Variants in ST8SIA1 observed in about 807,000 individuals in gnomAD.
ST8SIA1 encodes ST8 alpha-N-acetyl-neuraminide alpha-2,8-sialyltransferase 1.
Under a neutral mutation model 35.9 loss-of-function variants are expected in ST8SIA1, and 16 were observed. That is an observed-to-expected ratio of 0.45 (90% CI 0.30 to 0.68). ST8SIA1 has a LOEUF of 0.68. Among genes scored for constraint, ST8SIA1 ranks in the 30% least tolerant of loss-of-function variants. ST8SIA1 has a pLI of 0.09. For missense variants in ST8SIA1, 383 were observed against 453.6 expected (o/e 0.84, Z 1.41); for synonymous variants, 170 against 169.6 (o/e 1.00, Z -0.02).
chr12:22,293,830 G>A (rs556125757), intron 1 of ST8SIA1, among the ~76,000 whole-genome samples: 1 of 152,244 alleles, frequency 6.6e-6, no homozygotes, highest in Admixed American at 6.5e-5. Flanking sequence ...ACCATATAAA[G>A]AGTAGAAGCT....
chr12:22,306,652 G>A (rs1866387003), intron 1 of ST8SIA1, among the ~76,000 whole-genome samples: 1 of 152,092 alleles, frequency 6.6e-6, no homozygotes, highest in Non-Finnish European at 1.5e-5. Flanking sequence ...GTTAACTTAA[G>A]GATTCTGAAA....
intron 4 of ST8SIA1, among the ~76,000 whole-genome samples, chr12:22,205,443 A>G (rs924580743): frequency 6.6e-6 from 1 of 152,188 alleles, no homozygotes; most frequent in African/African-American, 2.4e-5. Context: ...GGAAAGGACA[A>G]AAGTATAGCA....
Position 22,198,522 on chromosome 12 carries a change from TACAC to T in ST8SIA1, c.*3026_*3029del, listed in dbSNP as rs3063791. On this transcript the variant is annotated 3_prime_UTR_variant, in exon 5 of 5. Coordinates refer to ENST00000396037, the MANE Select transcript of ST8SIA1 (RefSeq NM_003034.4). ...AGGATAGAGATGCCTAACTTCATGCTACACACACACACACACACACACACACACA... is the reference window on the plus strand; with the variant it reads ...AGGATAGAGATGCCTAACTTCATGCTACACACACACACACACACACACACA... The T allele has an allele frequency of 0.13, 17,200 of 132,784 alleles. 1,048 individuals are homozygous for T. The highest frequency in any genetic ancestry group is 0.17 in the Middle Eastern group (42 of 250). The allele number at this position is 132,784 out of a possible 1,614,324, so 8.2% of individuals were successfully genotyped here.
intron 2 of ST8SIA1, among the ~76,000 whole-genome samples, chr12:22,260,871 G>GC (rs1555157907): frequency 3.1e-5 from 3 of 97,546 alleles, no homozygotes; most frequent in Non-Finnish European, 4.4e-5. Context: ...TTATATAGTT[G>GC]TTGTTTTTTT....
At chr12:22,286,309 C>T (rs1251594971) in intron 2 of ST8SIA1, among the ~76,000 whole-genome samples, 2 of 152,186 alleles carry the variant, frequency 1.3e-5, no homozygotes, top group South Asian at 4.1e-4. Flanking sequence ...TGTGCCTCAG[C>T]TTTGTGGGAT....
intron 2 of ST8SIA1, among the ~76,000 whole-genome samples, chr12:22,280,398 A>T (rs2135812248): frequency 6.6e-6 from 1 of 152,280 alleles, no homozygotes; most frequent in Admixed American, 6.5e-5. Flanking sequence ...GAACAGTAAC[A>T]CCTCCTAAGA....
rs35306551 is a variant in ST8SIA1 at position 22,201,717 on chromosome 12, C to A, written c.906G>T (p.Met302Ile). ...AGTGGTGGCTGATGGGCTGCTCATGCATATTCACAGAGAAGGGCCAGAAGC... is the reference window on the plus strand; with the variant it reads ...AGTGGTGGCTGATGGGCTGCTCATGAATATTCACAGAGAAGGGCCAGAAGC... The part of the protein sequence containing the change: ...IYGFWPFSVN[M>I]HEQPISHHYY... Residue 302 changes from methionine to isoleucine, a missense_variant, in exon 5 of 5, where the codon ATG becomes ATT. Met to Ile is a conservative substitution (Grantham distance 10). Transcript: ENST00000396037. 3,527 of 1,614,088 alleles carry A rather than the reference C, an allele frequency of 2.2e-3. 8 individuals carry two copies. Among genetic ancestry groups the A allele is most frequent in the Non-Finnish European group, 2.4e-3 (2,809 of 1,179,976 alleles).
intron 4 of ST8SIA1, among the ~76,000 whole-genome samples, chr12:22,244,535 C>T (rs1164341861): frequency 6.6e-6 from 1 of 152,182 alleles, no homozygotes; most frequent in African/African-American, 2.4e-5. Context: ...TGGCTCACTG[C>T]AGCCTCGACC....
At chr12:22,211,375 C>T (rs1162158040) in intron 4 of ST8SIA1, among the ~76,000 whole-genome samples, 1 of 152,200 alleles carries the variant, frequency 6.6e-6, no homozygotes, top group African/African-American at 2.4e-5. Context: ...TCTCAATCCT[C>T]TAATCATGCC....
intron 1 of ST8SIA1, among the ~76,000 whole-genome samples, chr12:22,319,286 TTGAC>T (rs1419119063): frequency 6.6e-6 from 1 of 152,300 alleles, no homozygotes; most frequent in African/African-American, 2.4e-5. Context: ...TAGGGTTAAA[TTGAC>T]TGATAAAATC....
chr12:22,215,161 A>T (rs1865221830), intron 4 of ST8SIA1, among the ~76,000 whole-genome samples: 1 of 152,064 alleles, frequency 6.6e-6, no homozygotes, highest in South Asian at 2.1e-4. Flanking sequence ...CCCAACTGAA[A>T]ACTAACATAA....
intron 4 of ST8SIA1, among the ~76,000 whole-genome samples, chr12:22,244,519 C>A (rs1865577130): frequency 6.6e-6 from 1 of 152,130 alleles, no homozygotes; most frequent in Non-Finnish European, 1.5e-5. Flanking sequence ...TTCAGTGGCA[C>A]AAACATGGCT....
intron 3 of ST8SIA1, among the ~76,000 whole-genome samples, chr12:22,254,913 A>G (rs1865712877): frequency 6.6e-6 from 1 of 152,268 alleles, no homozygotes; most frequent in African/African-American, 2.4e-5. Context: ...AAATGAATCC[A>G]TTAAAGCATT....
At chr12:22,296,349 T>C (rs756822351) in intron 1 of ST8SIA1, among the ~76,000 whole-genome samples, 3 of 152,092 alleles carry the variant, frequency 2.0e-5, no homozygotes, top group South Asian at 2.1e-4. Flanking sequence ...TGACTAGAAG[T>C]TGCAATGGAG....
At chr12:22,219,838 T>C (rs1464710256) in intron 4 of ST8SIA1, among the ~76,000 whole-genome samples, 1 of 152,156 alleles carries the variant, frequency 6.6e-6, no homozygotes, top group African/African-American at 2.4e-5. Flanking sequence ...GAATTTCCAT[T>C]GTATATGGTG....
At chr12:22,210,182 AC>A (rs1449072471) in intron 4 of ST8SIA1, among the ~76,000 whole-genome samples, 1 of 152,238 alleles carries the variant, frequency 6.6e-6, no homozygotes, top group African/African-American at 2.4e-5. Flanking sequence ...TTGCAGAATT[AC>A]GACTGCAGTT....
chr12:22,319,539 T>C (rs1866557657), intron 1 of ST8SIA1, among the ~76,000 whole-genome samples: 1 of 152,218 alleles, frequency 6.6e-6, no homozygotes, highest in Admixed American at 6.5e-5. Flanking sequence ...AGAATTATAG[T>C]TTCAGTCCAA....
chr12:22,321,335 T>C (rs1866597919), intron 1 of ST8SIA1, among the ~76,000 whole-genome samples: 1 of 152,158 alleles, frequency 6.6e-6, no homozygotes, highest in African/African-American at 2.4e-5. Flanking sequence ...CCAGAACACT[T>C]TGCCATTAGA....
At chr12:22,303,071 A>C (rs1866337794) in intron 1 of ST8SIA1, among the ~76,000 whole-genome samples, 1 of 152,154 alleles carries the variant, frequency 6.6e-6, no homozygotes, top group African/African-American at 2.4e-5. Context: ...TGACAAAATA[A>C]ACTTTCTGAA....
Sources: gnomAD v4.1 joint callset for allele counts (sites outside exome capture counted in the v4.1 genomes callset) on GRCh38, gnomAD v4.1.1 for gene constraint, MANE v1.5 for transcripts, NCBI Gene and HGNC (gene_info 2026-07-23, HGNC 2026-07-21) for gene names.